ADARB2: variants seen among roughly 807,000 people sequenced by gnomAD.
The protein encoded by ADARB2 is adenosine deaminase RNA specific B2 (inactive).
Under a neutral mutation model 62.2 loss-of-function variants are expected in ADARB2, and 25 were observed. The observed-to-expected ratio is 0.40, with a 90% confidence interval of 0.29 to 0.56. The LOEUF is 0.56. Among genes scored for constraint, ADARB2 ranks in the 20% least tolerant of loss-of-function variants. The pLI is 0.43. For synonymous variants in ADARB2, 572 were observed against 500.8 expected (o/e 1.14, Z -1.90); for missense variants, 1,071 against 1,077.4 (o/e 0.99, Z 0.08).
chr10:1,702,483 G>A (rs1834834236), intron 1 of ADARB2, among the ~76,000 whole-genome samples: 1 of 152,158 alleles, frequency 6.6e-6, no homozygotes, highest in African/African-American at 2.4e-5. Context: ...GGGCAGGTAG[G>A]GAATCCCGAA....
intron 1 of ADARB2, among the ~76,000 whole-genome samples, chr10:1,687,628 A>C: frequency 6.6e-6 from 1 of 152,086 alleles, no homozygotes; most frequent in Admixed American, 6.5e-5. Flanking sequence ...AAACGCATTA[A>C]ATTATTTAAA....
chr10:1,403,150 C>A (rs919832736), intron 1 of ADARB2, among the ~76,000 whole-genome samples: 2 of 152,228 alleles, frequency 1.3e-5, no homozygotes, highest in Admixed American at 1.3e-4. Flanking sequence ...GACCCTGACC[C>A]CAGCCGCTGC....
chr10:1,183,968 T>G (rs1836715627), intron 9 of ADARB2, among the ~76,000 whole-genome samples: 1 of 152,156 alleles, frequency 6.6e-6, no homozygotes, highest in Non-Finnish European at 1.5e-5. Flanking sequence ...GAGGGCCCTT[T>G]TGCTCAGCAG....
chr10:1,271,997 G>C lies in ADARB2; in HGVS notation c.1078-928C>G, dbSNP rs189973973. ...TTCATTTCCACCTTATGGTGTTTTC[G>C]TAAGGATTAAATGCAATACGGTGTC... On this transcript the variant is annotated intron_variant, in intron 3 of 9. Coordinates refer to ENST00000381312, the MANE Select transcript of ADARB2 (RefSeq NM_018702.4). Among the ~76,000 whole-genome samples the C allele has an allele frequency of 2.2e-3, 336 of 152,308 alleles. 1 individual carries two copies. The highest frequency in any genetic ancestry group is 7.6e-3 in the African/African-American group (317 of 41,560).
At chr10:1,645,621 A>G (rs1485491862) in intron 1 of ADARB2, among the ~76,000 whole-genome samples, 5 of 152,166 alleles carry the variant, frequency 3.3e-5, no homozygotes, top group Admixed American at 2.0e-4. Flanking sequence ...ATTTAAACGT[A>G]CATCTAAGCA....
Position 1,180,895 on chromosome 10 carries a change from TATTTC to T in ADARB2, c.*2293_*2297del, listed in dbSNP as rs1361380712. The T allele has an allele frequency of 6.6e-6, 1 of 152,226 alleles. No homozygotes were observed. The highest frequency in any genetic ancestry group is 2.4e-5 in the African/African-American group (1 of 41,446). The allele number at this position is 152,226 out of a possible 1,614,324, so 9.4% of individuals were successfully genotyped here. A position where few individuals can be genotyped will look rare whatever the true frequency, so the allele number is the denominator to read the frequency against. On this transcript the variant is annotated 3_prime_UTR_variant, in exon 10 of 10. Transcript: ENST00000381312. ...GGCTTTCTCCAGATGTGGATGTTGA[TATTTC>T]AGTAAAGTCTGAGTTGTTTCTGGAA...
intron 7 of ADARB2, among the ~76,000 whole-genome samples, chr10:1,213,328 CAG>C (rs367575750): frequency 6.6e-6 from 1 of 151,894 alleles, no homozygotes; most frequent in Admixed American, 6.6e-5. Flanking sequence ...GACGCAGAGA[CAG>C]AGAGAGGCCG....
intron 1 of ADARB2, among the ~76,000 whole-genome samples, chr10:1,412,166 C>T (rs1377844668): frequency 1.3e-5 from 2 of 152,072 alleles, no homozygotes; most frequent in African/African-American, 4.8e-5. Flanking sequence ...AGCTGAGGCT[C>T]GGGACGATGC....
intron 1 of ADARB2, among the ~76,000 whole-genome samples, chr10:1,520,320 TA>T (rs1354906944): frequency 6.6e-6 from 1 of 152,240 alleles, no homozygotes; most frequent in East Asian, 1.9e-4. Flanking sequence ...TGTATGTGTA[TA>T]AAAATATATC....
chr10:1,233,655 G>A lies in ADARB2; in HGVS notation c.1513+39C>T, dbSNP rs1414746725. On this transcript the variant is annotated intron_variant, in intron 6 of 9. Transcript: ENST00000381312. Reference sequence around the variant, plus strand: ...AGAGTCCCAGATAGAGGGAGCTGGGGGCTGTTGGCCTACAGAAGGTAAAAG... The same window carrying A: ...AGAGTCCCAGATAGAGGGAGCTGGGAGCTGTTGGCCTACAGAAGGTAAAAG... 3.8e-6 allele frequency: 6 copies of A among 1,576,100 alleles called. No homozygotes were observed. The African/African-American group carries it at 8.2e-5, about 21-fold the overall frequency.
At chr10:1,530,155 C>T (rs953697573) in intron 1 of ADARB2, among the ~76,000 whole-genome samples, 3 of 152,256 alleles carry the variant, frequency 2.0e-5, no homozygotes, top group African/African-American at 7.2e-5. Context: ...TCCACTGCCT[C>T]GTGCCTTTCT....
chr10:1,632,982 G>C (rs1833861553), intron 1 of ADARB2, among the ~76,000 whole-genome samples: 1 of 152,162 alleles, frequency 6.6e-6, no homozygotes, highest in Non-Finnish European at 1.5e-5. Context: ...GTCCACAGAG[G>C]GCCAAATGGA....
rs555697151 is a variant in ADARB2 at position 1,330,764 on chromosome 10, TA to T, written c.1077+32263del. ...ATAGATAAATTGGGCTTCATCAGAA[TA>T]AAAAAGTTTGGTACTTTAAAGGACA... On this transcript the variant is annotated intron_variant, in intron 3 of 9. Coordinates refer to ENST00000381312, the MANE Select transcript of ADARB2 (RefSeq NM_018702.4). Among the ~76,000 whole-genome samples, 4 of 152,224 alleles carry T rather than the reference TA, an allele frequency of 2.6e-5. No individual in the cohort carries two copies. In the South Asian group the frequency reaches 6.2e-4, roughly 24 times the overall value.
At chr10:1,417,391 A>C (rs907825442) in intron 1 of ADARB2, among the ~76,000 whole-genome samples, 2 of 152,172 alleles carry the variant, frequency 1.3e-5, no homozygotes, top group African/African-American at 4.8e-5. Context: ...AGTGCAGCCC[A>C]GAGGGTCGGG....
chr10:1,704,625 CG>C lies in ADARB2; in HGVS notation c.100+32425del, dbSNP rs920794641. 1.3e-5 allele frequency among the ~76,000 whole-genome samples: 2 copies of C among 152,072 alleles called. No individual in the cohort carries two copies. The highest frequency in any genetic ancestry group is 2.9e-5 in the Non-Finnish European group (2 of 68,008). ...CCTGGACCAGTACCAGTCCTTGGCC[CG>C]GGGGCTGGAGACGTCTGAGTTAAAG... On this transcript the variant is annotated intron_variant, in intron 1 of 9. Coordinates refer to ENST00000381312, the MANE Select transcript of ADARB2 (RefSeq NM_018702.4). This position sits in a 1 kb window ranked among gnomAD's most constrained non-coding sequence, Gnocchi z 5.6.
At position 1,671,507 on chromosome 10, in the gene ADARB2, C is replaced by T. The variant is rs1012192244; in HGVS notation, c.100+65544G>A. On this transcript the variant is annotated intron_variant, in intron 1 of 9. Coordinates refer to ENST00000381312, the MANE Select transcript of ADARB2 (RefSeq NM_018702.4). ...TGCTGCTTCTGGTAACATGCATTTG[C>T]CTGCAGGCTCAGGGCACGTGGAAGG... Among the ~76,000 whole-genome samples the T allele has an allele frequency of 2.6e-5, 4 of 152,270 alleles. No individual in the cohort carries two copies. The East Asian group carries it at 7.7e-4, about 29-fold the overall frequency.
In ADARB2 at chr10:1,526,104, G is replaced by A. The variant is rs572489546; in HGVS notation, c.101-146944C>T. ...ACAGGGCATGTCCTAGGTAGAGACA[G>A]CTTTCTGGGGAAAGCCTTGTTCTAA... On this transcript the variant is annotated intron_variant, in intron 1 of 9. Transcript: ENST00000381312. 4.6e-5 allele frequency among the ~76,000 whole-genome samples: 7 copies of A among 152,312 alleles called. No homozygotes were observed. The South Asian group carries it at 1.2e-3, about 27-fold the overall frequency.
At chr10:1,624,760 A>C (rs1833746187) in intron 1 of ADARB2, among the ~76,000 whole-genome samples, 1 of 152,228 alleles carries the variant, frequency 6.6e-6, no homozygotes, top group African/African-American at 2.4e-5. Flanking sequence ...ATGCAGGAAC[A>C]AAATGACTTC....
intron 1 of ADARB2, among the ~76,000 whole-genome samples, chr10:1,684,381 A>T (rs966138648): frequency 1.3e-5 from 2 of 152,230 alleles, no homozygotes; most frequent in African/African-American, 4.8e-5. Context: ...AGTGTTTGTT[A>T]TAAGATTCAA....
Sources: allele counts gnomAD v4.1 joint callset (sites outside exome capture counted in the v4.1 genomes callset), GRCh38; gene constraint gnomAD v4.1.1; non-coding constraint Gnocchi (gnomAD v3.1); transcripts MANE v1.5; gene names NCBI Gene and HGNC (gene_info 2026-07-23, HGNC 2026-07-21).